The following ANKMY1 variants were observed in gnomAD, a reference collection of about 807,000 sequenced individuals.
ANKMY1 encodes ankyrin repeat and MYND domain containing 1.
ANKMY1 carries 98 observed loss-of-function variants against 102.0 expected under a neutral mutation model. That is an observed-to-expected ratio of 0.96 (90% confidence interval 0.82 to 1.14). ANKMY1 has a LOEUF of 1.14. Ranked by LOEUF, ANKMY1 falls within the 50% of genes most tolerant of loss-of-function variation. The pLI is 0.00. For missense variants in ANKMY1, 1,330 were observed against 1,347.6 expected, an observed-to-expected ratio of 0.99 and a Z score of 0.20; for synonymous variants, 582 against 559.9, an observed-to-expected ratio of 1.04 and a Z score of -0.56.
chr2:240,500,337 G>T, intron 14 of ANKMY1, 115 bp downstream of exon 14: 1 of 1,240,274 alleles, frequency 8.1e-7, no homozygotes, highest in South Asian at 1.4e-5. Flanking sequence ...CTGCTCTGGG[G>T]GCGGCGCTAG....
At position 240,526,561 on chromosome 2, in the gene ANKMY1, C is replaced by T. The variant is rs1356950574; in HGVS notation, c.954-116G>A. 3 of 1,512,612 alleles carry T rather than the reference C, an allele frequency of 2.0e-6. No homozygotes were observed. The Admixed American group carries it at 6.1e-5, about 31-fold the overall frequency. 93.7% of individuals were successfully genotyped at this position (1,512,612 alleles called of 1,614,324 possible). ...CTCCCTCTTGTGGCTCAGCCCCCCA[C>T]TGTTCACTCCTCAGGTACCCTGAGT... On this transcript the variant is annotated intron_variant, in intron 5 of 17. Coordinates refer to ENST00000401804, the MANE Select transcript of ANKMY1 (RefSeq NM_001282771.3).
chr2:240,480,830 T>C, intron 17 of ANKMY1, 107 bp downstream of exon 17: 1 of 1,428,162 alleles, frequency 7.0e-7, no homozygotes, highest in Non-Finnish European at 9.4e-7. Context: ...GGCCTGAATC[T>C]GGAGAGATTT....
intron 4 of ANKMY1, among the ~76,000 whole-genome samples, chr2:240,536,278 ATTCT>A: frequency 6.6e-6 from 1 of 152,288 alleles, no homozygotes; most frequent in Non-Finnish European, 1.5e-5. Context: ...AGAAAAGAAA[ATTCT>A]TTTTTTTTCT....
In ANKMY1 at chr2:240,499,763, C is replaced by A. The variant is rs1298409961; in HGVS notation, c.2806+195G>T. Among the ~76,000 whole-genome samples the A allele has an allele frequency of 6.6e-6, 1 of 152,134 alleles. No individual in the cohort carries two copies. Among genetic ancestry groups the A allele is most frequent in the Non-Finnish European group, 1.5e-5 (1 of 67,994 alleles). ...CTCTTCCCAGGGACATCTCCCCAGT[C>A]CAGACCCCACTTCTCAGTCTCTCCT... On this transcript the variant is annotated intron_variant, in intron 15 of 17. Transcript: ENST00000401804. This position sits in a 1 kb window ranked among gnomAD's most constrained non-coding sequence, Gnocchi z 4.2.
intron 15 of ANKMY1, among the ~76,000 whole-genome samples, chr2:240,487,305 T>C (rs536374568): frequency 2.0e-5 from 3 of 152,338 alleles, no homozygotes; most frequent in East Asian, 3.9e-4. Flanking sequence ...ACAAATGACA[T>C]GATTTAATTA....
rs547090004 is a variant in ANKMY1, at chr2:240,539,706, A to G, written c.481-10197T>C. On this transcript the variant is annotated intron_variant, in intron 4 of 17. Transcript: ENST00000401804. Reference sequence around the variant, plus strand: ...ACCAACTCCTGGAACAAACAGATGAATCTCAGATGCATGATGCTAAGTGTC... The same window carrying G: ...ACCAACTCCTGGAACAAACAGATGAGTCTCAGATGCATGATGCTAAGTGTC... Among the ~76,000 whole-genome samples, 191 of 152,338 alleles carry G rather than the reference A, an allele frequency of 1.3e-3. 1 individual carries two copies. The highest frequency in any genetic ancestry group is 4.4e-3 in the African/African-American group (184 of 41,574).
intron 1 of ANKMY1, 131 bp from the exon 2 acceptor site, chr2:240,557,483 T>C: frequency 9.3e-7 from 1 of 1,077,236 alleles, no homozygotes. Flanking sequence ...CGCCGGAGCC[T>C]GGGCCGCCAC....
upstream of ANKMY1, chr2:240,561,020 C>G: frequency 6.5e-7 from 1 of 1,536,636 alleles, no homozygotes; most frequent in Non-Finnish European, 8.7e-7. Flanking sequence ...GCTCGGCCGC[C>G]GTCTGCACCG....
chr2:240,560,893 T>C (rs763529689), upstream of ANKMY1: 12 of 1,519,132 alleles, frequency 7.9e-6, no homozygotes, highest in Non-Finnish European at 1.0e-5. Flanking sequence ...CGCGTGCCCG[T>C]GTTCGACGAC....
chr2:240,492,146 T>C (rs1410613237), intron 15 of ANKMY1, among the ~76,000 whole-genome samples: 1 of 152,136 alleles, frequency 6.6e-6, no homozygotes, highest in Non-Finnish European at 1.5e-5. Flanking sequence ...GTGCATGCCA[T>C]GACACCCAGC....
At chr2:240,518,529 T>C (rs1264362117) in intron 9 of ANKMY1, among the ~76,000 whole-genome samples, 1 of 152,236 alleles carries the variant, frequency 6.6e-6, no homozygotes. Context: ...TCTCTGGCAG[T>C]ACCTGTCATC....
intron 1 of ANKMY1, 122 bp from the exon 2 acceptor site, chr2:240,557,474 G>A: frequency 2.5e-6 from 3 of 1,187,864 alleles, no homozygotes; most frequent in South Asian, 2.2e-5. Context: ...CCTGAACCGC[G>A]CCGGAGCCTG....
At chr2:240,553,130 A>T in intron 3 of ANKMY1, 73 bp from the exon 4 acceptor site, 1 of 1,544,950 alleles carries the variant, frequency 6.5e-7, no homozygotes, top group Non-Finnish European at 8.8e-7. Context: ...AGGCTGAGCC[A>T]CCATGCCTGG....
chr2:240,487,300 T>C (rs1291654748), intron 15 of ANKMY1, among the ~76,000 whole-genome samples: 1 of 152,248 alleles, frequency 6.6e-6, no homozygotes, highest in Non-Finnish European at 1.5e-5. Flanking sequence ...TGGCTACAAA[T>C]GACATGATTT....
chr2:240,497,142 C>A, intron 15 of ANKMY1, among the ~76,000 whole-genome samples: 1 of 151,816 alleles, frequency 6.6e-6, no homozygotes, highest in Admixed American at 6.6e-5. Flanking sequence ...AAGAATGGAG[C>A]CGCCACCTCC....
chr2:240,529,186 G>A lies in ANKMY1; in HGVS notation c.804C>T (p.His268=), dbSNP rs747170616. The change falls in exon 5 of 18, where the codon CAC becomes CAT. Residue 268 remains histidine (H), a synonymous_variant. Coordinates refer to ENST00000401804, the MANE Select transcript of ANKMY1 (RefSeq NM_001282771.3). This position sits in a 1 kb window ranked among gnomAD's most constrained non-coding sequence, Gnocchi z 4.2. ...TGCGGAAAGAGCTTGTCATGGGCAG[G>A]TGGTCACTGTTGGTCGAGTAGACAT... The part of the protein sequence containing the change: ...EMYVYSTNSD[H]LPMTSSFRKE... 3 of 1,614,112 alleles carry A rather than the reference G, an allele frequency of 1.9e-6. No individual in the cohort carries two copies. The highest frequency in any genetic ancestry group is 2.5e-6 in the Non-Finnish European group (3 of 1,180,046).
At chr2:240,549,596 A>G (rs1323479851) in intron 4 of ANKMY1, among the ~76,000 whole-genome samples, 1 of 152,208 alleles carries the variant, frequency 6.6e-6, no homozygotes, top group African/African-American at 2.4e-5. Flanking sequence ...AATGGGAGAA[A>G]ATTTTCACAA....
chr2:240,557,171 G>A lies in ANKMY1; in HGVS notation c.146+19C>T. 6.8e-7 allele frequency: 1 copy of A among 1,464,286 alleles called. No individual in the cohort carries two copies. 90.7% of individuals were successfully genotyped at this position (1,464,286 alleles called of 1,614,324 possible). ...CCCCAGGTCAGGGTCGGACCTCCCC[G>A]CTGGAGGGTCCCCCGCACCTTGTGG... On this transcript the variant is annotated intron_variant, in intron 2 of 17. Transcript: ENST00000401804.
In ANKMY1 at chr2:240,499,879, A is replaced by G; in HGVS notation, c.2806+79T>C. 2 of 1,489,456 alleles carry G rather than the reference A, an allele frequency of 1.3e-6. No homozygotes were observed. Among genetic ancestry groups the G allele is most frequent in the Non-Finnish European group, 1.8e-6 (2 of 1,112,154 alleles). 92.3% of individuals were successfully genotyped at this position (1,489,456 alleles called of 1,614,324 possible). ...CCTCCAAGAGCCCCAGGGGGTCCAG[A>G]TCTCCAGGGATAACAGCCCCAGGCA... On this transcript the variant is annotated intron_variant, in intron 15 of 17. Transcript: ENST00000401804. The surrounding 1 kb of genome is among the most constrained non-coding windows in gnomAD (Gnocchi z 4.2).
Sources: allele counts gnomAD v4.1 joint callset (sites outside exome capture counted in the v4.1 genomes callset), GRCh38; gene constraint gnomAD v4.1.1; non-coding constraint Gnocchi (gnomAD v3.1); transcripts MANE v1.5; gene names NCBI Gene and HGNC (gene_info 2026-07-23, HGNC 2026-07-21).